The following ZFHX3 variants were observed in gnomAD, a reference collection of about 807,000 sequenced individuals.
ZFHX3 encodes zinc finger homeobox protein 3.
In ZFHX3, 42 loss-of-function variants were observed where a neutral mutation model predicts 279.1. The observed-to-expected ratio is 0.15, with a 90% CI of 0.12 to 0.19. The LOEUF (loss-of-function observed/expected upper bound fraction) is 0.19. ZFHX3 is among the 10% of genes least tolerant of loss of function. The pLI, the probability that ZFHX3 is intolerant of heterozygous loss-of-function variation, is 1.00. For synonymous variants in ZFHX3, 2,293 were observed against 1,957.8 expected (o/e 1.17, Z -4.52); for missense variants, 4,981 against 4,754.0 (o/e 1.05, Z -1.40).
At chr16:73,422,235 A>T (rs951292009) in intron 3 of ZFHX3, among the ~76,000 whole-genome samples, 2 of 150,796 alleles carry the variant, frequency 1.3e-5, no homozygotes, top group African/African-American at 4.9e-5. Flanking sequence ...CCACCTCTGC[A>T]GATACTTTCC....
At position 73,299,643 on chromosome 16, in the gene ZFHX3, G is replaced by A. The variant is rs142391500; in HGVS notation, c.-1194+18597C>T. Among the ~76,000 whole-genome samples the A allele has an allele frequency of 3.9e-5, 6 of 152,304 alleles. No homozygotes were observed. The East Asian group carries it at 5.8e-4, about 15-fold the overall frequency. Reference sequence around the variant, plus strand: ...GCAGACGAAGAGGAAAACCAAGAACGTGCCCCAGCCCAGGAGGAGCAGGCT... The same window carrying A: ...GCAGACGAAGAGGAAAACCAAGAACATGCCCCAGCCCAGGAGGAGCAGGCT... On this transcript the variant is annotated intron_variant, in intron 4 of 17. Coordinates refer to the ZFHX3 transcript ENST00000641206.
chr16:73,709,734 T>C (rs749650494), intron 1 of ZFHX3, among the ~76,000 whole-genome samples: 6 of 152,166 alleles, frequency 3.9e-5, no homozygotes, highest in Non-Finnish European at 8.8e-5. Flanking sequence ...AACAATGTAC[T>C]GTATCCTACA....
intron 1 of ZFHX3, among the ~76,000 whole-genome samples, chr16:72,975,937 AT>A (rs1962329312): frequency 6.6e-6 from 1 of 152,138 alleles, no homozygotes; most frequent in Non-Finnish European, 1.5e-5. Context: ...AGACAGAACA[AT>A]TGAGTTTGGG....
chr16:73,392,982 C>T (rs903689017), intron 3 of ZFHX3, among the ~76,000 whole-genome samples: 1 of 152,156 alleles, frequency 6.6e-6, no homozygotes, highest in Non-Finnish European at 1.5e-5. Context: ...TTACAGGCAC[C>T]TGCCATGACC....
chr16:72,964,352 G>A (rs1461170924), intron 1 of ZFHX3, among the ~76,000 whole-genome samples: 2 of 152,140 alleles, frequency 1.3e-5, no homozygotes, highest in Non-Finnish European at 2.9e-5. Context: ...TTGTTATAAA[G>A]ATGCTTTCTT....
At chr16:73,191,835 C>G (rs973420439) in intron 5 of ZFHX3, among the ~76,000 whole-genome samples, 1 of 152,218 alleles carries the variant, frequency 6.6e-6, no homozygotes, top group Non-Finnish European at 1.5e-5. Flanking sequence ...AAAAGCTGGC[C>G]TCTCTGGCTT....
At chr16:73,432,462 C>T (rs2017926309) in intron 3 of ZFHX3, among the ~76,000 whole-genome samples, 1 of 152,186 alleles carries the variant, frequency 6.6e-6, no homozygotes. Flanking sequence ...TCCTTCCCCT[C>T]TGAAAAGACT....
chr16:72,960,518 GAT>G (rs1203731741), intron 1 of ZFHX3, among the ~76,000 whole-genome samples: 1 of 152,104 alleles, frequency 6.6e-6, no homozygotes. Context: ...GCATAGCTTC[GAT>G]GGGCCACAGT....
rs10561679 is a variant in ZFHX3, at chr16:73,026,673, C to CAAAAAAAAA, written c.-50+21070_-50+21078dup. On this transcript the variant is annotated intron_variant, in intron 1 of 9. Transcript: ENST00000268489. The stretch of plus-strand genomic sequence containing the variant: ...CCCGGCAACAAGAGCAAAACTGCCT[C>CAAAAAAAAA]AAAAAAAAAAAAAAAAAAAAAACAC... Among the ~76,000 whole-genome samples the CAAAAAAAAA allele has an allele frequency of 1.1e-3, 85 of 79,554 alleles. 1 individual carries two copies. The highest frequency in any genetic ancestry group is 2.3e-3 in the African/African-American group (51 of 22,662). The allele number at this position is 79,554 out of a possible 152,430, so 52.2% of individuals were successfully genotyped here.
intron 2 of ZFHX3, among the ~76,000 whole-genome samples, chr16:73,674,674 G>C (rs1189252550): frequency 6.6e-6 from 1 of 152,182 alleles, no homozygotes; most frequent in Non-Finnish European, 1.5e-5. Flanking sequence ...GGTTGGTCAG[G>C]TGACTTCCTT....
At chr16:73,122,433 C>T (rs879805924) in intron 7 of ZFHX3, among the ~76,000 whole-genome samples, 11 of 151,910 alleles carry the variant, frequency 7.2e-5, no homozygotes, top group East Asian at 1.9e-4. Flanking sequence ...TCTCGAAACC[C>T]GGACCTCAAG....
At chr16:73,463,201 T>C (rs1270862257) in intron 2 of ZFHX3, among the ~76,000 whole-genome samples, 1 of 152,216 alleles carries the variant, frequency 6.6e-6, no homozygotes, top group Non-Finnish European at 1.5e-5. Context: ...ATAGTTAACA[T>C]TTACTAAGTA....
intron 3 of ZFHX3, among the ~76,000 whole-genome samples, chr16:73,416,122 CAAAAAAA>C (rs1234376040): frequency 1.3e-5 from 1 of 74,838 alleles, no homozygotes; most frequent in South Asian, 4.0e-4. Context: ...GACTCCATCT[CAAAAAAA>C]AAAAAAAAAC....
At chr16:73,371,943 C>A (rs986680939) in intron 3 of ZFHX3, among the ~76,000 whole-genome samples, 3 of 152,216 alleles carry the variant, frequency 2.0e-5, no homozygotes, top group African/African-American at 7.2e-5. Flanking sequence ...CCTCTTCACT[C>A]TTTTTCAAGC....
chr16:72,901,777 G>A (rs114057750), intron 3 of ZFHX3, among the ~76,000 whole-genome samples: 285 of 152,360 alleles, frequency 1.9e-3, no homozygotes, highest in African/African-American at 6.6e-3. Flanking sequence ...ATGGCTGTAT[G>A]CAGAACGGAC....
chr16:73,240,927 A>G (rs1009022928), intron 5 of ZFHX3, among the ~76,000 whole-genome samples: 3 of 152,252 alleles, frequency 2.0e-5, no homozygotes, highest in African/African-American at 7.2e-5. Flanking sequence ...TGTACAAAAC[A>G]TCTACTTTCT....
chr16:73,241,498 G>A (rs1262328518), intron 5 of ZFHX3, among the ~76,000 whole-genome samples: 1 of 152,012 alleles, frequency 6.6e-6, no homozygotes, highest in Non-Finnish European at 1.5e-5. Flanking sequence ...AGTAATAAAA[G>A]GAGGGTTGGG....
intron 3 of ZFHX3, among the ~76,000 whole-genome samples, chr16:73,405,663 G>T (rs949337051): frequency 6.6e-6 from 1 of 151,778 alleles, no homozygotes; most frequent in Non-Finnish European, 1.5e-5. Context: ...TGCACATCAC[G>T]TATGTAATGT....
At chr16:73,838,716 C>T (rs77974053) in intron 1 of ZFHX3, among the ~76,000 whole-genome samples, 110 of 151,988 alleles carry the variant, frequency 7.2e-4, no homozygotes, top group African/African-American at 2.6e-3. Flanking sequence ...TGAGGTTCTG[C>T]AAGTCAACTG....
Sources: gnomAD v4.1 joint callset for allele counts (sites outside exome capture counted in the v4.1 genomes callset) on GRCh38, gnomAD v4.1.1 for gene constraint, MANE v1.5 for transcripts, NCBI Gene and HGNC (gene_info 2026-07-23, HGNC 2026-07-21) for gene names.